The following UGGT1 variants were observed in gnomAD, a reference collection of about 807,000 sequenced individuals.
UGGT1 encodes the protein UDP-glucose:glycoprotein glucosyltransferase 1.
In UGGT1, 107 loss-of-function variants were observed where a neutral mutation model predicts 203.9. The observed-to-expected ratio is 0.52, with a 90% CI of 0.45 to 0.62. The LOEUF (loss-of-function observed/expected upper bound fraction) is 0.62. Ranked by LOEUF, UGGT1 falls within the 20% of genes least tolerant of loss-of-function variation. The pLI, the probability that UGGT1 is intolerant of heterozygous loss-of-function variation, is 0.00. For missense variants in UGGT1, 1,673 were observed against 1,867.2 expected (o/e 0.90, Z 1.92); for synonymous variants, 628 against 653.5 (o/e 0.96, Z 0.59).
intron 6 of UGGT1, among the ~76,000 whole-genome samples, chr2:128,114,356 G>A (rs1330187424): frequency 1.3e-5 from 2 of 152,170 alleles, no homozygotes; most frequent in Non-Finnish European, 2.9e-5. Context: ...GACCTCAGGT[G>A]ATCTGACCGC....
intron 27 of UGGT1, among the ~76,000 whole-genome samples, chr2:128,170,631 T>A (rs1277259963): frequency 6.6e-6 from 1 of 152,240 alleles, no homozygotes; most frequent in African/African-American, 2.4e-5. Flanking sequence ...GTGATTAACA[T>A]CCTCATTTAG....
intron 5 of UGGT1, among the ~76,000 whole-genome samples, chr2:128,111,488 T>C (rs7580481): frequency 0.89 from 135,592 of 152,234 alleles, 61,372 homozygotes; most frequent in Non-Finnish European, 0.98. Context: ...TTTATACTTA[T>C]ATTTTTATTT....
In UGGT1 at chr2:128,194,020, G is replaced by A. The variant is rs1388475981; in HGVS notation, c.*4278G>A. 1 of 152,200 alleles carries A rather than the reference G, an allele frequency of 6.6e-6. No homozygotes were observed. The highest frequency in any genetic ancestry group is 1.5e-5 in the Non-Finnish European group (1 of 68,036). The allele number at this position is 152,200 out of a possible 1,614,324, so 9.4% of individuals were successfully genotyped here. A position where few individuals can be genotyped will look rare whatever the true frequency, so the allele number is the denominator to read the frequency against. On this transcript the variant is annotated 3_prime_UTR_variant, in exon 41 of 41. Transcript: ENST00000259253. ...GTATTGGTAAAGCTACCTGATGGAAGCTTTCTCTTGGTAACAAAAATGGAG... is the reference window on the plus strand; with the variant it reads ...GTATTGGTAAAGCTACCTGATGGAAACTTTCTCTTGGTAACAAAAATGGAG...
In UGGT1 at chr2:128,182,274, C is replaced by T. The variant is rs1202476229; in HGVS notation, c.4228C>T (p.Arg1410Ter). ...GTACTGGGCCAGTCATTTAGCCGGGCGAAAGTATCATATCAGGTACTGAAA... is the reference window on the plus strand; with the variant it reads ...GTACTGGGCCAGTCATTTAGCCGGGTGAAAGTATCATATCAGGTACTGAAA... ...SGYWASHLAG[R>*]KYHISALYVV... The change falls in exon 37 of 41, where the codon CGA becomes TGA. Residue 1410 changes from arginine (R) to a stop codon, truncating the protein, a stop_gained. Coordinates refer to ENST00000259253, the MANE Select transcript of UGGT1 (RefSeq NM_020120.4). LOFTEE classifies it high-confidence loss of function. 2.5e-6 allele frequency: 4 copies of T among 1,612,896 alleles called. No homozygotes were observed. The highest frequency in any genetic ancestry group is 1.3e-5 in the African/African-American group (1 of 74,942).
chr2:128,168,585 A>C (rs1419427829), intron 26 of UGGT1, among the ~76,000 whole-genome samples: 1 of 152,260 alleles, frequency 6.6e-6, no homozygotes, highest in Non-Finnish European at 1.5e-5. Context: ...GAGCAAACAA[A>C]GTATAATGGT....
At chr2:128,177,692 C>G (rs1691468759) in intron 32 of UGGT1, 140 bp from the exon 33 acceptor site, 1 of 609,884 alleles carries the variant, frequency 1.6e-6, no homozygotes, top group Non-Finnish European at 2.8e-6. Flanking sequence ...CTTCTAGACT[C>G]TGGGTGGGGT....
intron 5 of UGGT1, among the ~76,000 whole-genome samples, 194 bp downstream of exon 5, chr2:128,109,940 A>G (rs545413574): frequency 6.6e-6 from 1 of 152,290 alleles, no homozygotes; most frequent in African/African-American, 2.4e-5. Flanking sequence ...GTGGCAAATT[A>G]CTTTCTTTCC....
At chr2:128,154,409 G>A (rs1690128633) in intron 19 of UGGT1, among the ~76,000 whole-genome samples, 2 of 152,206 alleles carry the variant, frequency 1.3e-5, no homozygotes, top group Non-Finnish European at 2.9e-5. Context: ...GTGGCAAAGT[G>A]CCACCTGTCA....
In UGGT1 at chr2:128,091,364, T is replaced by C; in HGVS notation, c.7T>C (p.Cys3Arg). Residue 3 changes from cysteine to arginine, a missense_variant, in exon 1 of 41, where the codon TGC (cysteine) becomes CGC (arginine). This residue lies in a region of UGGT1 where 83 missense variants were observed against 87.2 expected (regional missense o/e 0.95). Transcript: ENST00000259253. MG[C>R]KGDASGACAA... The stretch of plus-strand genomic sequence containing the variant: ...GACTGACCACGGCCCGGGCATGGGC[T>C]GCAAGGGAGACGCGAGCGGTGCGTG... 1 of 1,568,200 alleles carries C rather than the reference T, an allele frequency of 6.4e-7. No individual in the cohort carries two copies. The highest frequency in any genetic ancestry group is 1.4e-5 in the African/African-American group (1 of 73,998).
intron 16 of UGGT1, among the ~76,000 whole-genome samples, chr2:128,141,497 C>T (rs183238430): frequency 9.2e-5 from 14 of 151,678 alleles, no homozygotes; most frequent in African/African-American, 3.1e-4. Flanking sequence ...CCCAGCTACT[C>T]GGGAGGCTGA....
chr2:128,166,908 G>A (rs769785744), intron 26 of UGGT1, among the ~76,000 whole-genome samples: 12 of 152,162 alleles, frequency 7.9e-5, no homozygotes, highest in Admixed American at 2.0e-4. Context: ...GTGGGCCTGT[G>A]TTTTTTATGA....
intron 17 of UGGT1, among the ~76,000 whole-genome samples, chr2:128,144,114 A>G (rs966698410): frequency 2.0e-5 from 3 of 152,230 alleles, no homozygotes; most frequent in African/African-American, 7.2e-5. Context: ...AGATAATGAT[A>G]TTAGGAAAAG....
Position 128,164,761 on chromosome 2 carries a change from C to A in UGGT1, c.2857C>A (p.Leu953Ile), listed in dbSNP as rs1690701146. 1 of 1,613,478 alleles carries A rather than the reference C, an allele frequency of 6.2e-7. No homozygotes were observed. The highest frequency in any genetic ancestry group is 8.5e-7 in the Non-Finnish European group (1 of 1,179,762). The stretch of plus-strand genomic sequence containing the variant: ...CGACTTGGTAATGAAGGTGGATGCT[C>A]TTCTGTCAGCGCAACCAAAAGGAGA... The part of the protein sequence containing the change: ...ASDLVMKVDA[L>I]LSAQPKGDPR... The change falls in exon 26 of 41, where the codon CTT becomes ATT. Residue 953 changes from leucine to isoleucine, a missense_variant. Leu to Ile is a conservative substitution (Grantham distance 5). Coordinates refer to ENST00000259253, the MANE Select transcript of UGGT1 (RefSeq NM_020120.4).
At chr2:128,153,142 T>C (rs530097074) in intron 19 of UGGT1, among the ~76,000 whole-genome samples, 1 of 152,118 alleles carries the variant, frequency 6.6e-6, no homozygotes, top group African/African-American at 2.4e-5. Flanking sequence ...CTGTGAACTT[T>C]GAAAAATATT....
intron 16 of UGGT1, among the ~76,000 whole-genome samples, chr2:128,141,635 G>A (rs2105452422): frequency 6.6e-6 from 1 of 150,912 alleles, no homozygotes; most frequent in South Asian, 2.1e-4. Flanking sequence ...ACCAGACATA[G>A]TGGCAGGCAC....
Position 128,115,591 on chromosome 2 carries a change from G to A in UGGT1, c.793+371G>A, listed in dbSNP as rs189812996. Among the ~76,000 whole-genome samples, 9 of 151,868 alleles carry A rather than the reference G, an allele frequency of 5.9e-5. No homozygotes were observed. The East Asian group carries it at 1.4e-3, about 23-fold the overall frequency. On this transcript the variant is annotated intron_variant, in intron 7 of 40. Coordinates refer to ENST00000259253, the MANE Select transcript of UGGT1 (RefSeq NM_020120.4). ...TAGCTATTGTTGTTGATGTTATAGGGGATTTACAAATAGCCATTTATTTGT... is the reference window on the plus strand; with the variant it reads ...TAGCTATTGTTGTTGATGTTATAGGAGATTTACAAATAGCCATTTATTTGT...
At chr2:128,152,682 G>A (rs1006004715) in intron 18 of UGGT1, 102 bp from the exon 19 acceptor site, 2 of 1,461,420 alleles carry the variant, frequency 1.4e-6, no homozygotes, top group African/African-American at 2.8e-5. Context: ...TTAGCACAGA[G>A]GAAGCCATTT....
At chr2:128,104,577 A>G (rs1185174115) in intron 3 of UGGT1, among the ~76,000 whole-genome samples, 1 of 152,220 alleles carries the variant, frequency 6.6e-6, no homozygotes, top group Non-Finnish European at 1.5e-5. Context: ...ATAGTTGGAG[A>G]TGCTGATATG....
At chr2:128,108,174 T>G in intron 4 of UGGT1, 106 bp downstream of exon 4, 2 of 1,357,176 alleles carry the variant, frequency 1.5e-6, no homozygotes, top group Non-Finnish European at 2.0e-6. Flanking sequence ...ATCACTTTTT[T>G]GCCTGAAATT....
Sources: gnomAD v4.1 joint callset for allele counts (sites outside exome capture counted in the v4.1 genomes callset) on GRCh38, gnomAD v4.1.1 for gene constraint, gnomAD v4.1.1 regional missense constraint, MANE v1.5 for transcripts, NCBI Gene and HGNC (gene_info 2026-07-23, HGNC 2026-07-21) for gene names.